TRDN: variants seen among roughly 807,000 people sequenced by gnomAD.
TRDN encodes triadin in skeletal muscle.
In TRDN, 161 loss-of-function variants were observed where a neutral mutation model predicts 149.7. The ratio of observed to expected loss-of-function variants is 1.08; its 90% CI spans 0.95 to 1.23. TRDN has a LOEUF of 1.23. Ranked by LOEUF, TRDN falls within the 50% of genes most tolerant of loss-of-function variation. TRDN has a pLI of 0.00. For synonymous variants in TRDN, 294 were observed against 250.5 expected, an observed-to-expected ratio of 1.17 and a Z score of -1.64; for missense variants, 896 against 823.5, an observed-to-expected ratio of 1.09 and a Z score of -1.08.
chr6:123,402,225 T>A (rs141701926), intron 12 of TRDN, among the ~76,000 whole-genome samples: 1 of 152,312 alleles, frequency 6.6e-6, no homozygotes, highest in East Asian at 1.9e-4. Context: ...CTTAAGAGTA[T>A]GTTTTTTGTA....
At chr6:123,521,083 A>G (rs529311068) in intron 5 of TRDN, among the ~76,000 whole-genome samples, 3 of 152,254 alleles carry the variant, frequency 2.0e-5, no homozygotes, top group Non-Finnish European at 4.4e-5. Context: ...TTGTCAGCCT[A>G]TGACTCCAAT....
intron 13 of TRDN, among the ~76,000 whole-genome samples, chr6:123,391,712 G>A (rs901395293): frequency 1.3e-5 from 2 of 151,936 alleles, no homozygotes; most frequent in African/African-American, 2.4e-5. Flanking sequence ...TGTATGGAAA[G>A]CCAGATTTTT....
chr6:123,560,808 C>G lies in TRDN; in HGVS notation c.232+10115G>C, dbSNP rs531708337. ...GCCTCACAGGCCCATTCTATTCTGT[C>G]ATCATTTCATAACCTCTTCCATGTA... On this transcript the variant is annotated intron_variant, in intron 2 of 40. Transcript: ENST00000334268. Among the ~76,000 whole-genome samples the G allele has an allele frequency of 3.3e-5, 5 of 152,272 alleles. No homozygotes were observed. The East Asian group carries it at 9.7e-4, about 29-fold the overall frequency.
chr6:123,536,439 C>T (rs960276225), intron 4 of TRDN, among the ~76,000 whole-genome samples: 2 of 151,778 alleles, frequency 1.3e-5, no homozygotes, highest in African/African-American at 2.4e-5. Context: ...AATGATTATA[C>T]TTGAAAATTT....
At chr6:123,430,660 G>T (rs991746402) in intron 12 of TRDN, among the ~76,000 whole-genome samples, 2 of 152,042 alleles carry the variant, frequency 1.3e-5, no homozygotes, top group Admixed American at 6.6e-5. Flanking sequence ...TCCTCAGAGA[G>T]GGTAGCCCCA....
chr6:123,224,500 A>G (rs980041834), intron 38 of TRDN, among the ~76,000 whole-genome samples: 3 of 151,814 alleles, frequency 2.0e-5, no homozygotes, highest in Admixed American at 6.6e-5. Context: ...TTTCACGCAT[A>G]CAGCCTAGAT....
intron 22 of TRDN, among the ~76,000 whole-genome samples, chr6:123,336,928 G>C (rs1417322792): frequency 1.3e-5 from 2 of 151,814 alleles, no homozygotes; most frequent in Admixed American, 6.6e-5. Context: ...GAAGAGAGGG[G>C]ACTCATTGAA....
At chr6:123,504,151 G>A (rs769135041) in intron 7 of TRDN, among the ~76,000 whole-genome samples, 16 of 151,848 alleles carry the variant, frequency 1.1e-4, no homozygotes, top group Non-Finnish European at 1.6e-4. Flanking sequence ...AAAGTGTTAT[G>A]GCTTTTAATT....
intron 35 of TRDN, 81 bp downstream of exon 35, chr6:123,259,543 A>T: frequency 1.1e-6 from 1 of 916,152 alleles, no homozygotes; most frequent in East Asian, 2.8e-5. Context: ...TTTTTAAATC[A>T]TATAATTTGT....
intron 24 of TRDN, among the ~76,000 whole-genome samples, chr6:123,293,046 A>G (rs1485430715): frequency 5.9e-5 from 9 of 152,196 alleles, no homozygotes; most frequent in Admixed American, 5.9e-4. Context: ...GGGTGGGAAC[A>G]TAACTCTATA....
At chr6:123,480,351 T>C (rs1777693869) in intron 9 of TRDN, among the ~76,000 whole-genome samples, 1 of 151,920 alleles carries the variant, frequency 6.6e-6, no homozygotes, top group South Asian at 2.1e-4. Flanking sequence ...CGGCATGCCC[T>C]TCACCTCTCA....
intron 22 of TRDN, among the ~76,000 whole-genome samples, chr6:123,334,571 T>C (rs1779792327): frequency 6.6e-6 from 1 of 152,052 alleles, no homozygotes; most frequent in Non-Finnish European, 1.5e-5. Flanking sequence ...TTCTGTTTTC[T>C]GGATGGTCAA....
At chr6:123,324,922 C>A (rs1429860654) in intron 23 of TRDN, among the ~76,000 whole-genome samples, 1 of 152,228 alleles carries the variant, frequency 6.6e-6, no homozygotes, top group East Asian at 1.9e-4. Context: ...GAAAGTGCTA[C>A]TGTTATGGGT....
chr6:123,539,545 T>C (rs1780721598), intron 4 of TRDN, among the ~76,000 whole-genome samples: 1 of 152,336 alleles, frequency 6.6e-6, no homozygotes, highest in East Asian at 1.9e-4. Flanking sequence ...CCATAGCTGG[T>C]TAACAGCAGA....
chr6:123,472,387 G>A (rs143001601), intron 9 of TRDN, among the ~76,000 whole-genome samples: 2,629 of 152,262 alleles, frequency 0.017, 27 homozygotes, highest in African/African-American at 0.023. Context: ...CTTAAAAAAC[G>A]GCGCACCACA....
At chr6:123,502,707 T>C in intron 8 of TRDN, 1 of 983,912 alleles carries the variant, frequency 1.0e-6, no homozygotes, top group South Asian at 4.7e-5. Context: ...GTAAGATTTC[T>C]TAAACTAAAA....
chr6:123,446,383 T>G (rs375852996), intron 10 of TRDN, among the ~76,000 whole-genome samples: 2 of 151,542 alleles, frequency 1.3e-5, no homozygotes, highest in East Asian at 3.9e-4. Flanking sequence ...ACTTAAAGTA[T>G]AATAATAAAA....
chr6:123,320,053 A>G (rs1779185259), intron 23 of TRDN, among the ~76,000 whole-genome samples: 1 of 152,094 alleles, frequency 6.6e-6, no homozygotes, highest in Non-Finnish European at 1.5e-5. Context: ...CAATATATAA[A>G]TCCCAATAAT....
intron 10 of TRDN, among the ~76,000 whole-genome samples, chr6:123,454,551 C>T (rs190430927): frequency 3.2e-4 from 48 of 152,268 alleles, no homozygotes; most frequent in African/African-American, 9.4e-4. Context: ...GGAAAGATGA[C>T]GAATGTGGCC....
Sources: allele counts gnomAD v4.1 joint callset (sites outside exome capture counted in the v4.1 genomes callset), GRCh38; gene constraint gnomAD v4.1.1; transcripts MANE v1.5; gene names NCBI Gene and HGNC (gene_info 2026-07-23, HGNC 2026-07-21).